RPS6KA5: variants seen among roughly 807,000 people sequenced by gnomAD.
RPS6KA5 encodes ribosomal protein S6 kinase A5, also known as ribosomal protein S6 kinase alpha-5.
Under a neutral mutation model 85.5 loss-of-function variants are expected in RPS6KA5, and 27 were observed. The observed-to-expected ratio is 0.32, with a 90% CI of 0.23 to 0.44. The LOEUF is 0.44. Among genes scored for constraint, RPS6KA5 ranks in the 20% least tolerant of loss-of-function variants. RPS6KA5 has a pLI of 1.00. For missense variants in RPS6KA5, 811 were observed against 980.9 expected (o/e 0.83, Z 2.31); for synonymous variants, 334 against 348.2 (o/e 0.96, Z 0.46).
chr14:91,053,984 A>G (rs1335694705), intron 1 of RPS6KA5, among the ~76,000 whole-genome samples: 1 of 152,286 alleles, frequency 6.6e-6, no homozygotes, highest in Non-Finnish European at 1.5e-5. Context: ...TGCTATAAGG[A>G]GAGACATATA....
intron 1 of RPS6KA5, among the ~76,000 whole-genome samples, chr14:91,017,356 T>C (rs2041548136): frequency 6.6e-6 from 1 of 152,312 alleles, no homozygotes; most frequent in East Asian, 1.9e-4. Context: ...CTACCATCCA[T>C]GGTATTACAA....
chr14:90,955,487 A>T (rs2140399877), intron 3 of RPS6KA5, among the ~76,000 whole-genome samples: 1 of 152,120 alleles, frequency 6.6e-6, no homozygotes, highest in East Asian at 1.9e-4. Context: ...GTATTTTTTT[A>T]TTTCTCTTAT....
At chr14:91,002,318 T>C (rs2140587849) in intron 1 of RPS6KA5, among the ~76,000 whole-genome samples, 1 of 152,258 alleles carries the variant, frequency 6.6e-6, no homozygotes, top group East Asian at 1.9e-4. Context: ...CAACAAAATA[T>C]TAATTGCAGA....
intron 14 of RPS6KA5, among the ~76,000 whole-genome samples, chr14:90,876,237 TAG>T (rs1303583146): frequency 1.3e-5 from 2 of 152,064 alleles, no homozygotes; most frequent in African/African-American, 2.4e-5. Context: ...TAACAGAAAA[TAG>T]AGAGATAGCA....
At chr14:91,051,278 A>G (rs922895760) in intron 1 of RPS6KA5, among the ~76,000 whole-genome samples, 2 of 149,298 alleles carry the variant, frequency 1.3e-5, no homozygotes, top group African/African-American at 5.0e-5. Context: ...AAATAAATAA[A>G]TAAATAAAGT....
chr14:90,963,648 T>C (rs949453545), intron 3 of RPS6KA5, among the ~76,000 whole-genome samples: 5 of 152,170 alleles, frequency 3.3e-5, no homozygotes, highest in African/African-American at 1.2e-4. Flanking sequence ...TCACCACCAC[T>C]CATGGATCAC....
intron 1 of RPS6KA5, among the ~76,000 whole-genome samples, chr14:91,018,992 AG>A (rs1329839415): frequency 1.3e-5 from 2 of 152,070 alleles, no homozygotes; most frequent in African/African-American, 4.8e-5. Context: ...GATATCAAGC[AG>A]AAGAATACAC....
At chr14:90,979,263 TTC>T (rs1229978521) in intron 2 of RPS6KA5, among the ~76,000 whole-genome samples, 3 of 152,206 alleles carry the variant, frequency 2.0e-5, no homozygotes, top group African/African-American at 7.2e-5. Flanking sequence ...TGCATTTATT[TTC>T]TTAGAGAAGT....
At position 91,001,428 on chromosome 14, in the gene RPS6KA5, A is replaced by G. The variant is rs931932375; in HGVS notation, c.104-269T>C. Among the ~76,000 whole-genome samples, 5 of 152,226 alleles carry G rather than the reference A, an allele frequency of 3.3e-5. No individual in the cohort carries two copies. In the South Asian group the frequency reaches 1.0e-3, roughly 32 times the overall value. ...AATTAAAGTGTTTATTAGACTCTCT[A>G]CTGACCAATATACTCCAAAAATAAA... On this transcript the variant is annotated intron_variant, in intron 1 of 16. Coordinates refer to ENST00000614987, the MANE Select transcript of RPS6KA5 (RefSeq NM_004755.4).
At chr14:91,035,308 T>C (rs1595523267) in intron 1 of RPS6KA5, among the ~76,000 whole-genome samples, 1 of 151,846 alleles carries the variant, frequency 6.6e-6, no homozygotes, top group Non-Finnish European at 1.5e-5. Context: ...TTACCTGTCA[T>C]AGAAAAATAG....
intron 8 of RPS6KA5, among the ~76,000 whole-genome samples, chr14:90,904,166 G>A (rs778492484): frequency 2.0e-5 from 3 of 152,110 alleles, no homozygotes; most frequent in African/African-American, 7.2e-5. Flanking sequence ...AGCCAGGATG[G>A]TCTCGATCTC....
At chr14:90,948,760 C>G (rs1005101817) in intron 3 of RPS6KA5, among the ~76,000 whole-genome samples, 1 of 151,404 alleles carries the variant, frequency 6.6e-6, no homozygotes, top group African/African-American at 2.4e-5. Flanking sequence ...CATTAACACA[C>G]AGGATTTGCG....
chr14:91,044,928 C>T (rs2042810644), intron 1 of RPS6KA5, among the ~76,000 whole-genome samples: 1 of 151,784 alleles, frequency 6.6e-6, no homozygotes, highest in Admixed American at 6.6e-5. Flanking sequence ...AAGATAACCC[C>T]CAGCTAACAG....
At chr14:90,972,265 A>G (rs2039357545) in intron 3 of RPS6KA5, among the ~76,000 whole-genome samples, 1 of 152,210 alleles carries the variant, frequency 6.6e-6, no homozygotes, top group South Asian at 2.1e-4. Context: ...TCTAAAGTTC[A>G]TGCTGAAAAA....
chr14:91,022,208 T>C (rs1656799912), intron 1 of RPS6KA5, among the ~76,000 whole-genome samples: 1 of 152,228 alleles, frequency 6.6e-6, no homozygotes, highest in Admixed American at 6.5e-5. Flanking sequence ...AATGTGAAAC[T>C]GACTTTAAAC....
At chr14:90,998,818 T>C (rs2040647565) in intron 2 of RPS6KA5, among the ~76,000 whole-genome samples, 1 of 152,188 alleles carries the variant, frequency 6.6e-6, no homozygotes. Context: ...GCTGTAAAGA[T>C]TGGGCCTATA....
At chr14:90,968,065 T>C (rs1322394127) in intron 3 of RPS6KA5, among the ~76,000 whole-genome samples, 1 of 152,228 alleles carries the variant, frequency 6.6e-6, no homozygotes, top group Non-Finnish European at 1.5e-5. Flanking sequence ...AAGTCTGACA[T>C]GGACATCACT....
rs751012214 is a variant in RPS6KA5 at position 91,060,484 on chromosome 14, G to A, written c.-50C>T. The A allele has an allele frequency of 2.9e-5, 39 of 1,325,936 alleles. No homozygotes were observed. The East Asian group carries it at 8.2e-4, about 28-fold the overall frequency. 82.1% of individuals were successfully genotyped at this position (1,325,936 alleles called of 1,614,324 possible). ...GGGTCGCTACGAGGGGAACCCAGGA[G>A]ACAGCGGACGCCCGTCCCCTCGCAG... is the stretch of plus-strand genomic sequence containing the variant. On this transcript the variant is annotated 5_prime_UTR_variant, in exon 1 of 17. Transcript: ENST00000614987.
At chr14:90,977,478 A>G (rs1455636002) in intron 3 of RPS6KA5, among the ~76,000 whole-genome samples, 5 of 152,224 alleles carry the variant, frequency 3.3e-5, no homozygotes, top group Non-Finnish European at 7.3e-5. Context: ...GAAAGTGCCT[A>G]GGGTGGAAAT....
Sources: gnomAD v4.1 joint callset for allele counts (sites outside exome capture counted in the v4.1 genomes callset) on GRCh38, gnomAD v4.1.1 for gene constraint, MANE v1.5 for transcripts, NCBI Gene and HGNC (gene_info 2026-07-23, HGNC 2026-07-21) for gene names.